The following PTPRD variants were observed in gnomAD, a reference collection of about 807,000 sequenced individuals.
PTPRD encodes the protein protein tyrosine phosphatase receptor type D.
PTPRD carries 34 observed loss-of-function variants against 214.5 expected under a neutral mutation model. That is an observed-to-expected ratio of 0.16 (90% CI 0.12 to 0.21). The LOEUF is 0.21. Ranked by LOEUF, PTPRD falls within the 10% of genes least tolerant of loss-of-function variation. The pLI is 1.00. For synonymous variants in PTPRD, 1,128 were observed against 845.7 expected, an observed-to-expected ratio of 1.33 and a Z score of -5.79; for missense variants, 2,545 against 2,398.7, an observed-to-expected ratio of 1.06 and a Z score of -1.27.
At chr9:10,120,439 G>C (rs1247190210) in intron 3 of PTPRD, among the ~76,000 whole-genome samples, 1 of 151,876 alleles carries the variant, frequency 6.6e-6, no homozygotes, top group Non-Finnish European at 1.5e-5. Flanking sequence ...AATTTTTCAA[G>C]CTCACACAAA....
intron 5 of PTPRD, among the ~76,000 whole-genome samples, chr9:9,827,701 A>G (rs1440739924): frequency 1.3e-5 from 2 of 152,200 alleles, no homozygotes; most frequent in African/African-American, 2.4e-5. Context: ...AAAAGAAACT[A>G]TCATCAGAAT....
At chr9:10,061,923 C>A (rs2064191460) in intron 3 of PTPRD, among the ~76,000 whole-genome samples, 1 of 151,942 alleles carries the variant, frequency 6.6e-6, no homozygotes, top group South Asian at 2.1e-4. Context: ...AATTATTAGG[C>A]CCCACCCACA....
chr9:10,068,906 T>C (rs1375867354), intron 3 of PTPRD, among the ~76,000 whole-genome samples: 1 of 152,056 alleles, frequency 6.6e-6, no homozygotes, highest in African/African-American at 2.4e-5. Context: ...ATATTTGAAA[T>C]AAAAGCCATC....
chr9:8,557,315 C>G (rs1593664492), intron 14 of PTPRD, among the ~76,000 whole-genome samples: 1 of 151,826 alleles, frequency 6.6e-6, no homozygotes, highest in East Asian at 1.9e-4. Flanking sequence ...GTCTGATATG[C>G]AGCAAGAACT....
chr9:9,721,174 CTT>C (rs35736279), intron 7 of PTPRD, among the ~76,000 whole-genome samples: 73,380 of 151,810 alleles, frequency 0.48, 20,349 homozygotes, highest in African/African-American at 0.75. Context: ...GGATAAACAT[CTT>C]TTAAAAAGAG....
intron 11 of PTPRD, among the ~76,000 whole-genome samples, chr9:8,983,634 G>A (rs943451168): frequency 3.3e-5 from 5 of 151,570 alleles, no homozygotes; most frequent in Admixed American, 6.6e-5. Flanking sequence ...TCAGCCTCCA[G>A]GGAAGCTAGG....
chr9:9,634,729 A>T (rs2095701085), intron 7 of PTPRD, among the ~76,000 whole-genome samples: 1 of 152,162 alleles, frequency 6.6e-6, no homozygotes, highest in Non-Finnish European at 1.5e-5. Flanking sequence ...ATTTGAGTAG[A>T]TTTCTGTGCA....
At chr9:9,666,625 TC>T (rs997812271) in intron 7 of PTPRD, among the ~76,000 whole-genome samples, 2 of 152,018 alleles carry the variant, frequency 1.3e-5, no homozygotes, top group Admixed American at 6.6e-5. Context: ...GCAAATTGTA[TC>T]GATTCAATCT....
At chr9:9,941,431 T>C (rs1187260932) in intron 4 of PTPRD, among the ~76,000 whole-genome samples, 3 of 152,196 alleles carry the variant, frequency 2.0e-5, no homozygotes, top group African/African-American at 4.8e-5. Flanking sequence ...CAAGTGATTC[T>C]CCTGCCTAAG....
intron 7 of PTPRD, among the ~76,000 whole-genome samples, chr9:9,715,459 G>A (rs1389458394): frequency 6.6e-6 from 1 of 151,738 alleles, no homozygotes; most frequent in Non-Finnish European, 1.5e-5. Flanking sequence ...GTGCCTTGGT[G>A]GGAGCCAAGA....
intron 5 of PTPRD, among the ~76,000 whole-genome samples, chr9:9,772,660 G>C (rs538548684): frequency 1.3e-5 from 2 of 152,202 alleles, no homozygotes; most frequent in South Asian, 2.1e-4. Flanking sequence ...GTATATATCT[G>C]TCTCTGATGA....
At chr9:8,590,758 G>C (rs2094034137) in intron 14 of PTPRD, among the ~76,000 whole-genome samples, 1 of 152,198 alleles carries the variant, frequency 6.6e-6, no homozygotes, top group South Asian at 2.1e-4. Flanking sequence ...AGTTTAACCA[G>C]CTACAAACCA....
rs758763711 is a variant in PTPRD at position 8,633,309 on chromosome 9, G to C, written c.352+8C>G. ...GACACAAACGACAACCTTCACTTGAGCACTTACCCCGCAAAACTGTGAGTC... is the reference window on the plus strand; with the variant it reads ...GACACAAACGACAACCTTCACTTGACCACTTACCCCGCAAAACTGTGAGTC... On this transcript the variant is annotated splice_region_variant and intron_variant, in intron 14 of 45. Coordinates refer to ENST00000381196, the MANE Select transcript of PTPRD (RefSeq NM_002839.4). 1.2e-6 allele frequency: 2 copies of C among 1,609,650 alleles called. No individual in the cohort carries two copies. Among genetic ancestry groups the C allele is most frequent in the Non-Finnish European group, 8.5e-7 (1 of 1,177,902 alleles).
intron 12 of PTPRD, among the ~76,000 whole-genome samples, chr9:8,707,169 C>A (rs1347283121): frequency 6.6e-6 from 1 of 152,082 alleles, no homozygotes; most frequent in African/African-American, 2.4e-5. Context: ...TTTGTTGCAG[C>A]AATAAAATAT....
chr9:9,749,014 A>T (rs987896930), intron 6 of PTPRD, among the ~76,000 whole-genome samples: 4 of 136,162 alleles, frequency 2.9e-5, no homozygotes, highest in African/African-American at 1.3e-4. Context: ...TACCTGCAGG[A>T]TGTGGAGTAT....
rs571363493 is a variant in PTPRD, at chr9:10,173,549, G to T, written c.-544-139759C>A. Among the ~76,000 whole-genome samples the T allele has an allele frequency of 1.1e-3, 161 of 152,106 alleles. 3 individuals are homozygous for T. The highest frequency in any genetic ancestry group is 0.01 in the Middle Eastern group (3 of 294). On this transcript the variant is annotated intron_variant, in intron 3 of 45. Coordinates refer to ENST00000381196, the MANE Select transcript of PTPRD (RefSeq NM_002839.4). ...ACACATTCCCAGATTGACCAATGTTGTTATTTACATAGGAATATTCTCCTT... is the reference window on the plus strand; with the variant it reads ...ACACATTCCCAGATTGACCAATGTTTTTATTTACATAGGAATATTCTCCTT...
intron 30 of PTPRD, among the ~76,000 whole-genome samples, chr9:8,471,679 T>C (rs746728625): frequency 6.6e-6 from 1 of 152,052 alleles, no homozygotes; most frequent in Non-Finnish European, 1.5e-5. Context: ...CCGCAGAAAA[T>C]TGGAGAAAAT....
intron 2 of PTPRD, among the ~76,000 whole-genome samples, chr9:10,490,666 T>C (rs970285216): frequency 6.6e-6 from 1 of 152,172 alleles, no homozygotes; most frequent in Non-Finnish European, 1.5e-5. Context: ...TTATGTAAGT[T>C]ACAGTTTTCC....
chr9:9,693,773 A>AT (rs376187477), intron 7 of PTPRD, among the ~76,000 whole-genome samples: 14 of 152,138 alleles, frequency 9.2e-5, no homozygotes, highest in South Asian at 6.2e-4. Flanking sequence ...GATGTGCTTC[A>AT]TTTTTTAATA....
Sources: allele counts gnomAD v4.1 joint callset (sites outside exome capture counted in the v4.1 genomes callset), GRCh38; gene constraint gnomAD v4.1.1; transcripts MANE v1.5; gene names NCBI Gene and HGNC (gene_info 2026-07-23, HGNC 2026-07-21).